ALOX5AP: variants seen among roughly 807,000 people sequenced by gnomAD.
ALOX5AP encodes arachidonate 5-lipoxygenase-activating protein.
In ALOX5AP, 9 loss-of-function variants were observed where a neutral mutation model predicts 18.5. The observed-to-expected ratio is 0.49, with a 90% CI of 0.29 to 0.85. The LOEUF is 0.85. Among genes scored for constraint, ALOX5AP ranks in the 40% least tolerant of loss-of-function variants. ALOX5AP has a pLI of 0.08. For missense variants in ALOX5AP, 172 were observed against 202.5 expected (o/e 0.85, Z 0.91); for synonymous variants, 81 against 78.6 (o/e 1.03, Z -0.16).
chr13:30,715,773 G>A (rs1348847068), intron 1 of ALOX5AP, among the ~76,000 whole-genome samples: 2 of 151,660 alleles, frequency 1.3e-5, no homozygotes, highest in Admixed American at 6.6e-5. Flanking sequence ...ATCCCCTTGG[G>A]CTTCTGGTTT....
intron 4 of ALOX5AP, among the ~76,000 whole-genome samples, chr13:30,761,249 A>G (rs1369239289): frequency 6.6e-6 from 1 of 152,232 alleles, no homozygotes; most frequent in East Asian, 1.9e-4. Context: ...CCCTAGTCCT[A>G]TGCTGCGAGG....
At chr13:30,732,956 C>T (rs987490944), upstream of ALOX5AP, among the ~76,000 whole-genome samples, 1 of 151,954 alleles carries the variant, frequency 6.6e-6, no homozygotes. Flanking sequence ...GAGATCGAGA[C>T]CATCCCGGCT....
chr13:30,751,355 G>A (rs190201788), intron 2 of ALOX5AP, among the ~76,000 whole-genome samples: 68 of 152,294 alleles, frequency 4.5e-4, no homozygotes, highest in African/African-American at 1.5e-3. Context: ...GTTGTTTTAA[G>A]CCACTCAGTT....
At position 30,735,577 on chromosome 13, in the gene ALOX5AP, C is replaced by A; in HGVS notation, c.-29C>A. 2 of 1,613,726 alleles carry A rather than the reference C, an allele frequency of 1.2e-6. No individual in the cohort carries two copies. The highest frequency in any genetic ancestry group is 2.2e-5 in the South Asian group (2 of 90,932). On this transcript the variant is annotated 5_prime_UTR_variant, in exon 1 of 5. Coordinates refer to ENST00000380490, the MANE Select transcript of ALOX5AP (RefSeq NM_001629.4). Reference sequence around the variant, plus strand: ...GCAGGTTGTGCAGCTGGAGGCAGAGCAGTCCTCTCTGGGGAGCCTGAAGCA... The same window carrying A: ...GCAGGTTGTGCAGCTGGAGGCAGAGAAGTCCTCTCTGGGGAGCCTGAAGCA...
chr13:30,732,780 A>C (rs1456990683), upstream of ALOX5AP, among the ~76,000 whole-genome samples: 1 of 152,144 alleles, frequency 6.6e-6, no homozygotes, highest in Non-Finnish European at 1.5e-5. Context: ...AAGCTGAGAG[A>C]GAGCGAGAGG....
chr13:30,741,406 T>TC (rs1951763477), intron 1 of ALOX5AP, among the ~76,000 whole-genome samples: 1 of 150,310 alleles, frequency 6.7e-6, no homozygotes, highest in African/African-American at 2.4e-5. Flanking sequence ...TTTTTTTTTT[T>TC]TCTTTTTGAG....
intron 2 of ALOX5AP, among the ~76,000 whole-genome samples, chr13:30,748,902 G>A (rs1156969206): frequency 2.0e-5 from 3 of 152,190 alleles, no homozygotes; most frequent in African/African-American, 7.2e-5. Flanking sequence ...AAGACTACAC[G>A]AGCAGCCACT....
chr13:30,727,375 T>C (rs904915567), intron 1 of ALOX5AP, among the ~76,000 whole-genome samples: 1 of 151,682 alleles, frequency 6.6e-6, no homozygotes, highest in Admixed American at 6.6e-5. Context: ...AACTTTAGCA[T>C]GGTTAAGAGG....
At chr13:30,718,230 A>G (rs1242608569) in intron 1 of ALOX5AP, among the ~76,000 whole-genome samples, 1 of 151,922 alleles carries the variant, frequency 6.6e-6, no homozygotes, top group Non-Finnish European at 1.5e-5. Flanking sequence ...AAGTGCTGGG[A>G]TCACAGGTGT....
intron 1 of ALOX5AP, among the ~76,000 whole-genome samples, chr13:30,723,673 C>T (rs1951613747): frequency 6.6e-6 from 1 of 152,110 alleles, no homozygotes; most frequent in African/African-American, 2.4e-5. Context: ...TTATTAAATC[C>T]TTATTAAATA....
intron 1 of ALOX5AP, among the ~76,000 whole-genome samples, chr13:30,737,007 T>G (rs1238827353): frequency 6.6e-6 from 1 of 152,216 alleles, no homozygotes; most frequent in African/African-American, 2.4e-5. Context: ...GCTACAGTGA[T>G]GGACAGGTCA....
chr13:30,746,138 G>A (rs1192536773), intron 2 of ALOX5AP, among the ~76,000 whole-genome samples: 5 of 152,372 alleles, frequency 3.3e-5, no homozygotes, highest in African/African-American at 1.2e-4. Flanking sequence ...CCAAATTGCA[G>A]AAGTGCCCTT....
chr13:30,742,872 C>A (rs1209601786), intron 1 of ALOX5AP, among the ~76,000 whole-genome samples: 2 of 141,038 alleles, frequency 1.4e-5, no homozygotes, highest in Non-Finnish European at 3.1e-5. Flanking sequence ...CCCCCCCCAC[C>A]CCCCATCATC....
rs9551962 is a variant in ALOX5AP, at chr13:30,753,094, G to A, written c.241+972G>A. Among the ~76,000 whole-genome samples, 289 of 152,326 alleles carry A rather than the reference G, an allele frequency of 1.9e-3. 8 individuals carry two copies. The East Asian group carries it at 0.042, about 22-fold the overall frequency. ...GAGTAGCTTCTAGAGGTCACCTGGC[G>A]GTGAGGCACAGGCCAGCTGGCAAGA... On this transcript the variant is annotated intron_variant, in intron 3 of 4. Transcript: ENST00000380490.
chr13:30,714,226 G>A (rs1037103586), intron 1 of ALOX5AP, among the ~76,000 whole-genome samples: 1 of 140,958 alleles, frequency 7.1e-6, no homozygotes, highest in Non-Finnish European at 1.5e-5. Flanking sequence ...AAAAAAAAAA[G>A]GCCTGAGCTG....
intron 1 of ALOX5AP, among the ~76,000 whole-genome samples, chr13:30,727,084 C>T (rs1951645143): frequency 6.7e-6 from 1 of 149,932 alleles, no homozygotes; most frequent in African/African-American, 2.5e-5. Context: ...TCCAAGGTCT[C>T]ACTCTGTGGC....
intron 1 of ALOX5AP, among the ~76,000 whole-genome samples, chr13:30,726,881 T>C (rs990178488): frequency 6.6e-6 from 1 of 152,002 alleles, no homozygotes; most frequent in Non-Finnish European, 1.5e-5. Flanking sequence ...TACAACATAA[T>C]ATGTGTTAAT....
intron 1 of ALOX5AP, among the ~76,000 whole-genome samples, chr13:30,724,234 T>G (rs112193040): frequency 6.6e-6 from 1 of 152,244 alleles, no homozygotes; most frequent in Non-Finnish European, 1.5e-5. Context: ...CTCAGTGTAA[T>G]GTTTTTGAGA....
Position 30,752,750 on chromosome 13 carries a change from G to T in ALOX5AP, c.241+628G>T, listed in dbSNP as rs559279218. ...TGGCCAGCTTCTGTGGCCCTGGAGG[G>T]CACAGGCAGAAAGGCCACACTCAGT... On this transcript the variant is annotated intron_variant, in intron 3 of 4. Transcript: ENST00000380490. Among the ~76,000 whole-genome samples the T allele has an allele frequency of 2.6e-5, 4 of 152,242 alleles. No homozygotes were observed. In the South Asian group the frequency reaches 6.2e-4, roughly 24 times the overall value.
Sources: gnomAD v4.1 joint callset for allele counts (sites outside exome capture counted in the v4.1 genomes callset) on GRCh38, gnomAD v4.1.1 for gene constraint, MANE v1.5 for transcripts, NCBI Gene and HGNC (gene_info 2026-07-23, HGNC 2026-07-21) for gene names.